SOX30: variants seen among roughly 807,000 people sequenced by gnomAD.
The protein encoded by SOX30 is transcription factor SOX-30.
In SOX30, 17 loss-of-function variants were observed where a neutral mutation model predicts 58.6. The observed-to-expected ratio is 0.29, with a 90% CI of 0.20 to 0.44. The LOEUF is 0.44. SOX30 is among the 20% of genes least tolerant of loss of function. The pLI, the probability that SOX30 is intolerant of heterozygous loss-of-function variation, is 1.00. For synonymous variants in SOX30, 421 were observed against 400.2 expected, an observed-to-expected ratio of 1.05 and a Z score of -0.62; for missense variants, 951 against 965.8, an observed-to-expected ratio of 0.98 and a Z score of 0.20.
intron 4 of SOX30, among the ~76,000 whole-genome samples, chr5:157,636,540 T>C (rs2113837221): frequency 6.6e-6 from 1 of 152,248 alleles, no homozygotes; most frequent in Non-Finnish European, 1.5e-5. Flanking sequence ...ATAAAAAGAT[T>C]CTACATAAAA....
intron 2 of SOX30, among the ~76,000 whole-genome samples, chr5:157,665,269 T>TA (rs1250616029): frequency 6.6e-6 from 1 of 152,150 alleles, no homozygotes; most frequent in Non-Finnish European, 1.5e-5. Context: ...TATGCAGCCA[T>TA]AAAAAATGAT....
chr5:157,654,673 G>A (rs924087082), upstream of SOX30, among the ~76,000 whole-genome samples: 1 of 152,182 alleles, frequency 6.6e-6, no homozygotes, highest in Non-Finnish European at 1.5e-5. Context: ...CTGGCACAAA[G>A]TACAGGTCAT....
Position 157,652,234 on chromosome 5 carries a change from A to C in SOX30, c.-156T>G. The C allele has an allele frequency of 7.9e-7, 1 of 1,271,664 alleles. No individual in the cohort carries two copies. The allele number at this position is 1,271,664 out of a possible 1,614,324, so 78.8% of individuals were successfully genotyped here. A position where few individuals can be genotyped will look rare whatever the true frequency, so the allele number is the denominator to read the frequency against. ...GTCTGTCTGGGCCTCACCCAATCAC[A>C]ACGACCGATACCCGTGGACGGCCAA... On this transcript the variant is annotated 5_prime_UTR_variant, in exon 1 of 5. Coordinates refer to ENST00000265007, the MANE Select transcript of SOX30 (RefSeq NM_178424.2).
chr5:157,660,366 G>A (rs913636768), intron 2 of SOX30, among the ~76,000 whole-genome samples: 2 of 152,002 alleles, frequency 1.3e-5, no homozygotes, highest in Admixed American at 1.3e-4. Flanking sequence ...AGGTTGCAGT[G>A]AGCTGAGACT....
chr5:157,626,307 A>G lies in SOX30; in HGVS notation c.*33T>C. ...AACTGACCCAGAATATATTTTAAGA[A>G]ATGTTTATTTTCTGTGCATATTTGT... On this transcript the variant is annotated 3_prime_UTR_variant, in exon 5 of 5. Coordinates refer to ENST00000265007, the MANE Select transcript of SOX30 (RefSeq NM_178424.2). The G allele has an allele frequency of 2.0e-6, 3 of 1,514,382 alleles. No individual in the cohort carries two copies. Among genetic ancestry groups the G allele is most frequent in the Non-Finnish European group, 2.7e-6 (3 of 1,125,150 alleles). 93.8% of individuals were successfully genotyped at this position (1,514,382 alleles called of 1,614,324 possible).
At chr5:157,650,620 C>T (rs919417234) in intron 1 of SOX30, among the ~76,000 whole-genome samples, 7 of 152,088 alleles carry the variant, frequency 4.6e-5, no homozygotes, top group African/African-American at 1.7e-4. Context: ...CATTGAATCA[C>T]GTATTGTTTT....
intron 2 of SOX30, among the ~76,000 whole-genome samples, chr5:157,660,983 A>G (rs886542511): frequency 1.3e-5 from 2 of 152,186 alleles, no homozygotes; most frequent in East Asian, 1.9e-4. Context: ...TCCTTTGACA[A>G]TGTTTTATAA....
chr5:157,659,148 C>T (rs1759532029), intron 2 of SOX30, among the ~76,000 whole-genome samples: 1 of 152,246 alleles, frequency 6.6e-6, no homozygotes, highest in South Asian at 2.1e-4. Context: ...AGCACTCTGT[C>T]TATGGAGTAG....
rs115119059 is a variant in SOX30 at position 157,661,724 on chromosome 5, A to G, written c.52+6074T>C. Among the ~76,000 whole-genome samples, 597 of 152,290 alleles carry G rather than the reference A, an allele frequency of 3.9e-3. 4 individuals are homozygous for G. Among genetic ancestry groups the G allele is most frequent in the African/African-American group, 0.013 (559 of 41,560 alleles). ...AACATTCCTGTAATAAATCGACCACACTTGGTAATAGTGTATAATCCTTTT... is the reference window on the plus strand; with the variant it reads ...AACATTCCTGTAATAAATCGACCACGCTTGGTAATAGTGTATAATCCTTTT... On this transcript the variant is annotated intron_variant, in intron 2 of 5. Coordinates refer to the SOX30 transcript ENST00000519442.
chr5:157,644,766 A>C (rs1386021006), intron 3 of SOX30, among the ~76,000 whole-genome samples: 1 of 152,166 alleles, frequency 6.6e-6, no homozygotes, highest in Non-Finnish European at 1.5e-5. Flanking sequence ...GGATCACTTG[A>C]GGCCAGGAGT....
chr5:157,638,255 G>A lies in SOX30; in HGVS notation c.1855C>T (p.Pro619Ser). The change falls in exon 4 of 5, where the codon CCC becomes TCC. Residue 619 changes from proline (P) to serine (S), a missense_variant. By Grantham distance (74) the Pro-to-Ser change is moderately conservative. Coordinates refer to ENST00000265007, the MANE Select transcript of SOX30 (RefSeq NM_178424.2). The part of the protein sequence containing the change: ...RFSFHHPYFL[P>S]GPHYFPSSTC... ...CTTGATGGGAAGTAGTGAGGTCCGG[G>A]TAGGAAGTAAGGGTGATGAAAAGAG... The A allele has an allele frequency of 1.3e-6, 2 of 1,543,188 alleles. No homozygotes were observed. Among genetic ancestry groups the A allele is most frequent in the Non-Finnish European group, 1.7e-6 (2 of 1,144,344 alleles).
intron 4 of SOX30, among the ~76,000 whole-genome samples, chr5:157,636,462 C>T (rs1027989526): frequency 6.6e-6 from 1 of 152,116 alleles, no homozygotes; most frequent in African/African-American, 2.4e-5. Flanking sequence ...TCAACCTCCC[C>T]GGCCTTAAAT....
rs1759367379 is a variant in SOX30 at position 157,652,058 on chromosome 5, C to T, written c.21G>A (p.Glu7=). Reference sequence around the variant, plus strand: ...GCAACGGGCGCGGCTGAGGCGGCGGCTCGGGTCTGGCTCTCTCCATGGGGG... The same window carrying T: ...GCAACGGGCGCGGCTGAGGCGGCGGTTCGGGTCTGGCTCTCTCCATGGGGG... The part of the protein sequence containing the change: MERARP[E]PPPQPRPLRP... Residue 7 remains glutamate (E), a synonymous_variant, in exon 1 of 5, where the codon GAG becomes GAA. Coordinates refer to ENST00000265007, the MANE Select transcript of SOX30 (RefSeq NM_178424.2). 2.1e-6 allele frequency: 3 copies of T among 1,422,052 alleles called. No individual in the cohort carries two copies. In the African/African-American group the frequency reaches 4.5e-5, roughly 21 times the overall value. 88.1% of individuals were successfully genotyped at this position (1,422,052 alleles called of 1,614,324 possible).
chr5:157,626,372 C>G lies in SOX30; in HGVS notation c.2230G>C (p.Glu744Gln). 1 of 1,612,506 alleles carries G rather than the reference C, an allele frequency of 6.2e-7. No homozygotes were observed. The highest frequency in any genetic ancestry group is 8.5e-7 in the Non-Finnish European group (1 of 1,179,446). The change falls in exon 5 of 5, where the codon GAG (glutamate) becomes CAG (glutamine). Residue 744 changes from glutamate to glutamine, a missense_variant. Coordinates refer to ENST00000265007, the MANE Select transcript of SOX30 (RefSeq NM_178424.2). ...QQVNVTDSDE[E>Q]EEEKVLRDL ...TCCCTGAGCACTTTTTCTTCTTCCTCCTCATCACTGTCGGTGACATTGACT... is the reference window on the plus strand; with the variant it reads ...TCCCTGAGCACTTTTTCTTCTTCCTGCTCATCACTGTCGGTGACATTGACT...
chr5:157,627,149 G>A (rs539230069), intron 4 of SOX30, among the ~76,000 whole-genome samples: 10 of 152,292 alleles, frequency 6.6e-5, no homozygotes, highest in African/African-American at 2.4e-4. Context: ...GGAACATGAG[G>A]TCAAGAGATA....
At chr5:157,654,712 A>G (rs1759433366), upstream of SOX30, among the ~76,000 whole-genome samples, 1 of 152,202 alleles carries the variant, frequency 6.6e-6, no homozygotes, top group Non-Finnish European at 1.5e-5. Context: ...ACGGGTTGCA[A>G]TAAAGAAGCT....
chr5:157,630,932 A>G (rs963339407), intron 4 of SOX30, among the ~76,000 whole-genome samples: 2 of 119,044 alleles, frequency 1.7e-5, no homozygotes, highest in Non-Finnish European at 1.7e-5. Context: ...ATTATATATT[A>G]TATATATATA....
At chr5:157,626,808 C>A in intron 4 of SOX30, 87 bp from the exon 5 acceptor site, 1 of 1,441,432 alleles carries the variant, frequency 6.9e-7, no homozygotes, top group East Asian at 2.3e-5. Context: ...AATGCCTCCT[C>A]TTTGGGGTTT....
chr5:157,663,616 A>C (rs1759614748), intron 2 of SOX30, among the ~76,000 whole-genome samples: 3 of 152,114 alleles, frequency 2.0e-5, no homozygotes, highest in Admixed American at 6.6e-5. Flanking sequence ...AATCAGGCAG[A>C]AGAAAGAAAT....
Sources: allele counts gnomAD v4.1 joint callset (sites outside exome capture counted in the v4.1 genomes callset), GRCh38; gene constraint gnomAD v4.1.1; transcripts MANE v1.5; gene names NCBI Gene and HGNC (gene_info 2026-07-23, HGNC 2026-07-21).